DMD: variants seen among roughly 807,000 people sequenced by gnomAD.
DMD encodes the protein dystrophin.
In DMD, 63 loss-of-function variants were observed where a neutral mutation model predicts 330.1. The ratio of observed to expected loss-of-function variants is 0.19; its 90% CI spans 0.16 to 0.24. The LOEUF (loss-of-function observed/expected upper bound fraction) is 0.24. DMD is among the 10% of genes least tolerant of loss of function. The pLI, the probability that DMD is intolerant of heterozygous loss-of-function variation, is 1.00. For synonymous variants in DMD, 1,223 were observed against 959.8 expected, an observed-to-expected ratio of 1.27 and a Z score of -5.07; for missense variants, 3,344 against 2,684.1, an observed-to-expected ratio of 1.25 and a Z score of -5.43.
At chrX:32,319,102 T>G (rs1455029649) in intron 41 of DMD, among the ~76,000 whole-genome samples, 2 of 111,693 alleles carry the variant, frequency 1.8e-5, no homozygotes, top group Non-Finnish European at 3.8e-5. Context: ...AAGGACAACA[T>G]TTGCATTTTT....
At chrX:32,659,383 A>C (rs1289847015) in intron 9 of DMD, among the ~76,000 whole-genome samples, 1 of 111,652 alleles carries the variant, frequency 9.0e-6, no homozygotes, top group African/African-American at 3.3e-5. Context: ...CTATGGGGGA[A>C]CTAATGGGTA....
At chrX:32,759,306 C>T (rs1252315184) in intron 7 of DMD, among the ~76,000 whole-genome samples, 1 of 111,911 alleles carries the variant, frequency 8.9e-6, no homozygotes, top group Non-Finnish European at 1.9e-5. Flanking sequence ...TTATCAGGCA[C>T]TGAATGCTTA....
intron 11 of DMD, among the ~76,000 whole-genome samples, chrX:32,640,019 T>A (rs1031904443): frequency 2.7e-5 from 3 of 109,728 alleles, no homozygotes; most frequent in African/African-American, 9.9e-5. Flanking sequence ...CTGGGAAACA[T>A]AACAAGACCT....
At chrX:32,244,112 C>G (rs1416636388) in intron 43 of DMD, among the ~76,000 whole-genome samples, 9 of 74,900 alleles carry the variant, frequency 1.2e-4, no homozygotes, top group East Asian at 5.5e-4. Context: ...CCCCTCCCCC[C>G]ACCCCACCAC....
At chrX:31,365,094 CAA>C (rs35244488) in intron 60 of DMD, among the ~76,000 whole-genome samples, 12 of 44,120 alleles carry the variant, frequency 2.7e-4, no homozygotes, top group Admixed American at 3.4e-4. Context: ...GACCCCATCT[CAA>C]AAAAAAAAAA....
At chrX:31,922,333 CTG>C (rs1045823869) in intron 47 of DMD, among the ~76,000 whole-genome samples, 1 of 111,530 alleles carries the variant, frequency 9.0e-6, no homozygotes, top group African/African-American at 3.3e-5. Context: ...ATCTCTTCAT[CTG>C]TGTCCTTTGC....
At chrX:32,537,092 C>G (rs2048061508) in intron 17 of DMD, among the ~76,000 whole-genome samples, 1 of 111,865 alleles carries the variant, frequency 8.9e-6, no homozygotes, top group Non-Finnish European at 1.9e-5. Context: ...ATCAAGACCA[C>G]TGTGAATGGC....
At chrX:31,453,387 C>A (rs1257024184) in intron 59 of DMD, among the ~76,000 whole-genome samples, 1 of 110,915 alleles carries the variant, frequency 9.0e-6, no homozygotes, top group African/African-American at 3.3e-5. Context: ...GTCTCGAACT[C>A]CTGGCCTCAG....
rs747305466 is a variant in DMD, at chrX:32,644,982, G to C, written c.1131C>G (p.Asp377Glu). The C allele has an allele frequency of 3.8e-5, 46 of 1,209,597 alleles. No homozygotes were observed. In the South Asian group the frequency reaches 7.9e-4, roughly 21 times the overall value. The change falls in exon 10 of 79, where the codon GAC becomes GAG. Residue 377 changes from aspartate to glutamate, a missense_variant. Physicochemically the swap from Asp to Glu is conservative, Grantham distance 45. Coordinates refer to ENST00000357033, the MANE Select transcript of DMD (RefSeq NM_004006.3). ...EISNDVEVVKDQFHTHEGYMM... is the reference protein window; with the variant it reads ...EISNDVEVVKEQFHTHEGYMM... ...AGTTTACCTCATGAGTATGAAACTG[G>C]TCTTTCACCACTTCCACATCATTAG...
chrX:32,643,528 C>T (rs1162972620), intron 11 of DMD, among the ~76,000 whole-genome samples: 1 of 111,212 alleles, frequency 9.0e-6, no homozygotes, highest in African/African-American at 3.3e-5. Flanking sequence ...AATCAAAACA[C>T]ATATCCAGAA....
intron 44 of DMD, among the ~76,000 whole-genome samples, chrX:32,070,788 A>G (rs994186424): frequency 2.7e-5 from 3 of 111,365 alleles, no homozygotes; most frequent in African/African-American, 9.8e-5. Context: ...CAAAGGCATA[A>G]GAATGATACA....
chrX:33,297,061 C>T (rs1465456024), intron 1 of DMD, among the ~76,000 whole-genome samples: 2 of 111,012 alleles, frequency 1.8e-5, no homozygotes, highest in Admixed American at 1.9e-4. Context: ...GTGGGATACA[C>T]TAATACCTAC....
At chrX:32,218,855 G>A (rs1051343862) in intron 43 of DMD, among the ~76,000 whole-genome samples, 7 of 111,849 alleles carry the variant, frequency 6.3e-5, no homozygotes, top group Non-Finnish European at 1.3e-4. Flanking sequence ...TTCTACCAGT[G>A]CACATGCTCT....
chrX:32,278,292 C>T (rs1011145031), intron 43 of DMD, among the ~76,000 whole-genome samples: 47 of 111,437 alleles, frequency 4.2e-4, no homozygotes, highest in Non-Finnish European at 7.7e-4. Context: ...GGACCAGTAA[C>T]GAGTAACACA....
chrX:31,848,476 G>C (rs1465998566), intron 48 of DMD, among the ~76,000 whole-genome samples: 2 of 111,319 alleles, frequency 1.8e-5, no homozygotes, highest in Non-Finnish European at 3.8e-5. Context: ...GTCGTCATGG[G>C]ATTTCCACCA....
At chrX:31,446,780 C>A (rs1321609046) in intron 59 of DMD, among the ~76,000 whole-genome samples, 1 of 112,036 alleles carries the variant, frequency 8.9e-6, no homozygotes, top group Non-Finnish European at 1.9e-5. Flanking sequence ...TGGACAAGGA[C>A]AACGGTTACA....
chrX:31,324,481 G>GT (rs1433826700), intron 61 of DMD, among the ~76,000 whole-genome samples: 9 of 99,451 alleles, frequency 9.0e-5, no homozygotes, highest in Admixed American at 2.1e-4. Flanking sequence ...TTGATCTGAT[G>GT]GTTTTTTTTC....
At chrX:31,558,417 C>T (rs1429178659) in intron 55 of DMD, among the ~76,000 whole-genome samples, 1 of 110,757 alleles carries the variant, frequency 9.0e-6, no homozygotes, top group African/African-American at 3.3e-5. Context: ...CTTACAATGG[C>T]GGATTCTGAT....
intron 13 of DMD, among the ~76,000 whole-genome samples, chrX:32,593,111 A>C (rs2055119004): frequency 8.9e-6 from 1 of 112,869 alleles, no homozygotes; most frequent in Non-Finnish European, 1.9e-5. Flanking sequence ...TGCCAGGCTG[A>C]GTGGGTGCAA....
Sources: allele counts gnomAD v4.1 joint callset (sites outside exome capture counted in the v4.1 genomes callset), GRCh38; gene constraint gnomAD v4.1.1; transcripts MANE v1.5; gene names NCBI Gene and HGNC (gene_info 2026-07-23, HGNC 2026-07-21).